Variants in PDCL2 observed in about 807,000 individuals in gnomAD.
PDCL2 encodes the protein phosducin like 2.
In PDCL2, 23 loss-of-function variants were observed where a neutral mutation model predicts 30.3. The ratio of observed to expected loss-of-function variants is 0.76; its 90% confidence interval spans 0.55 to 1.08. The LOEUF is 1.08. Among genes scored for constraint, PDCL2 ranks in the 50% least tolerant of loss-of-function variants. The pLI, the probability that PDCL2 is intolerant of heterozygous loss-of-function variation, is 0.00. For missense variants in PDCL2, 243 were observed against 282.3 expected (o/e 0.86, Z 1.00); for synonymous variants, 68 against 86.2 (o/e 0.79, Z 1.17).
intron 1 of PDCL2, among the ~76,000 whole-genome samples, chr4:55,583,022 C>A (rs990731740): frequency 6.6e-6 from 1 of 152,004 alleles, no homozygotes; most frequent in African/African-American, 2.4e-5. Flanking sequence ...ATCACCCAAG[C>A]TGGAATGCAG....
intron 3 of PDCL2, among the ~76,000 whole-genome samples, chr4:55,573,762 C>CA (rs900033345): frequency 1.5e-4 from 22 of 147,458 alleles, no homozygotes; most frequent in South Asian, 4.3e-4. Flanking sequence ...CTCTCCCCCA[C>CA]AAAAAAAAAC....
intron 2 of PDCL2, among the ~76,000 whole-genome samples, chr4:55,581,503 A>C (rs1732711728): frequency 6.6e-6 from 1 of 152,210 alleles, no homozygotes; most frequent in Non-Finnish European, 1.5e-5. Context: ...CTTGATAAAT[A>C]ATACATACTA....
chr4:55,591,667 G>A (rs993620439), intron 1 of PDCL2, among the ~76,000 whole-genome samples: 6 of 152,194 alleles, frequency 3.9e-5, no homozygotes, highest in African/African-American at 1.4e-4. Flanking sequence ...AGTTTTTGAG[G>A]TGAGGTGCAA....
chr4:55,573,548 G>C (rs555785793), intron 3 of PDCL2, among the ~76,000 whole-genome samples: 3 of 152,140 alleles, frequency 2.0e-5, no homozygotes, highest in Middle Eastern at 3.4e-3. Context: ...TCAGGAGTTC[G>C]AGACCAGCCT....
intron 3 of PDCL2, among the ~76,000 whole-genome samples, chr4:55,572,139 C>T (rs758652235): frequency 3.3e-5 from 5 of 152,068 alleles, no homozygotes; most frequent in Non-Finnish European, 7.4e-5. Context: ...AATACATGGG[C>T]TGGTTTTGCC....
chr4:55,588,918 C>T (rs979218190), intron 1 of PDCL2, among the ~76,000 whole-genome samples: 1 of 150,322 alleles, frequency 6.7e-6, no homozygotes. Context: ...AGTACAGTGG[C>T]GTGATCTGGG....
At chr4:55,567,087 T>C (rs1207635423) in intron 4 of PDCL2, among the ~76,000 whole-genome samples, 1 of 151,626 alleles carries the variant, frequency 6.6e-6, no homozygotes. Context: ...ATGTCCGTGT[T>C]TCTCATCCTT....
intron 3 of PDCL2, among the ~76,000 whole-genome samples, chr4:55,574,398 G>A (rs535882568): frequency 6.6e-6 from 1 of 152,288 alleles, no homozygotes; most frequent in Non-Finnish European, 1.5e-5. Context: ...CATGCCACAT[G>A]AGTGAAAGTG....
intron 3 of PDCL2, among the ~76,000 whole-genome samples, chr4:55,572,980 G>C (rs905641422): frequency 6.6e-6 from 1 of 152,048 alleles, no homozygotes; most frequent in Non-Finnish European, 1.5e-5. Context: ...GGATGGTCTC[G>C]ATCTCCTGAC....
In PDCL2 at chr4:55,562,617, A is replaced by G; in HGVS notation, c.363-5T>C. On this transcript the variant is annotated splice_region_variant and splice_polypyrimidine_tract_variant and intron_variant, in intron 4 of 5. Coordinates refer to ENST00000295645, the MANE Select transcript of PDCL2 (RefSeq NM_152401.3). ...ACCAACAAACACATTGGGATGCTAA[A>G]AAGAGAAACAGTACACACAATCTTT... The G allele has an allele frequency of 6.4e-7, 1 of 1,560,110 alleles. No homozygotes were observed. The highest frequency in any genetic ancestry group is 1.4e-5 in the African/African-American group (1 of 72,874).
At chr4:55,568,254 AGAAGGACTGAAC>A (rs1732321745) in intron 4 of PDCL2, among the ~76,000 whole-genome samples, 2 of 152,246 alleles carry the variant, frequency 1.3e-5, no homozygotes, top group African/African-American at 4.8e-5. Flanking sequence ...ACCTAAAGCT[AGAAGGACTGAAC>A]GAGAGAAACA....
At chr4:55,578,535 A>G (rs1351958953) in intron 3 of PDCL2, among the ~76,000 whole-genome samples, 1 of 152,004 alleles carries the variant, frequency 6.6e-6, no homozygotes, top group Non-Finnish European at 1.5e-5. Flanking sequence ...GATTAGGTAG[A>G]GATGTATTTT....
intron 4 of PDCL2, among the ~76,000 whole-genome samples, chr4:55,564,765 G>A (rs977106984): frequency 1.3e-5 from 2 of 152,104 alleles, no homozygotes; most frequent in African/African-American, 4.8e-5. Flanking sequence ...TAGAATTTAG[G>A]AGCCTAATCA....
intron 4 of PDCL2, among the ~76,000 whole-genome samples, chr4:55,569,155 T>G (rs1411646832): frequency 6.6e-6 from 1 of 152,196 alleles, no homozygotes; most frequent in African/African-American, 2.4e-5. Context: ...TAACCTGTCT[T>G]TTGTCAGTCC....
At chr4:55,574,387 C>A (rs1732507706) in intron 3 of PDCL2, among the ~76,000 whole-genome samples, 1 of 152,066 alleles carries the variant, frequency 6.6e-6, no homozygotes, top group South Asian at 2.1e-4. Context: ...AGATTACAAC[C>A]CATGCCACAT....
chr4:55,564,447 C>G (rs917020597), intron 4 of PDCL2, among the ~76,000 whole-genome samples: 1 of 152,148 alleles, frequency 6.6e-6, no homozygotes, highest in Non-Finnish European at 1.5e-5. Context: ...ATGAGGCAGA[C>G]CTCTAACATC....
At chr4:55,558,139 AAAG>A (rs1732027184) in intron 5 of PDCL2, among the ~76,000 whole-genome samples, 1 of 151,854 alleles carries the variant, frequency 6.6e-6, no homozygotes, top group African/African-American at 2.4e-5. Context: ...AAAAAAAAAA[AAAG>A]AATGAAGTGA....
chr4:55,569,335 A>T (rs566045036), intron 4 of PDCL2, among the ~76,000 whole-genome samples: 2 of 152,172 alleles, frequency 1.3e-5, no homozygotes, highest in Non-Finnish European at 2.9e-5. Flanking sequence ...AAATATACAC[A>T]CACACAGAAA....
At chr4:55,560,811 A>G (rs1732114407) in intron 5 of PDCL2, among the ~76,000 whole-genome samples, 1 of 152,118 alleles carries the variant, frequency 6.6e-6, no homozygotes. Flanking sequence ...AAGAGTGAAC[A>G]GAGAGGCCAA....
Sources: allele counts gnomAD v4.1 joint callset (sites outside exome capture counted in the v4.1 genomes callset), GRCh38; gene constraint gnomAD v4.1.1; transcripts MANE v1.5; gene names NCBI Gene and HGNC (gene_info 2026-07-23, HGNC 2026-07-21).